Variants in CTNNBIP1 observed in about 807,000 individuals in gnomAD.
CTNNBIP1 encodes the protein beta-catenin-interacting protein 1.
In CTNNBIP1, 7 loss-of-function variants were observed where a neutral mutation model predicts 11.8. The ratio of observed to expected loss-of-function variants is 0.60; its 90% CI spans 0.34 to 1.12. The LOEUF is 1.12. Ranked by LOEUF, CTNNBIP1 falls within the 50% of genes most tolerant of loss-of-function variation. The pLI is 0.03. For synonymous variants in CTNNBIP1, 58 were observed against 43.9 expected, an observed-to-expected ratio of 1.32 and a Z score of -1.26; for missense variants, 101 against 113.4, an observed-to-expected ratio of 0.89 and a Z score of 0.50.
chr1:9,852,692 G>A (rs1009182288), intron 5 of CTNNBIP1, among the ~76,000 whole-genome samples: 5 of 152,228 alleles, frequency 3.3e-5, no homozygotes, highest in African/African-American at 7.2e-5. Context: ...CTAATCAGAA[G>A]GGGGCTGGCA....
At chr1:9,880,872 C>A (rs1174467488) in intron 2 of CTNNBIP1, among the ~76,000 whole-genome samples, 1 of 152,130 alleles carries the variant, frequency 6.6e-6, no homozygotes, top group Non-Finnish European at 1.5e-5. Context: ...CTTCATTTCA[C>A]CACCTGTAGA....
chr1:9,870,355 C>A (rs901012916), intron 5 of CTNNBIP1, among the ~76,000 whole-genome samples: 2 of 152,182 alleles, frequency 1.3e-5, no homozygotes, highest in African/African-American at 4.8e-5. Context: ...CATGAGAAGC[C>A]TTCTAGAGAA....
chr1:9,900,246 T>C (rs961456420), intron 1 of CTNNBIP1, among the ~76,000 whole-genome samples: 1 of 150,814 alleles, frequency 6.6e-6, no homozygotes, highest in Admixed American at 6.6e-5. Context: ...ATACAAAAAA[T>C]TAGCACAGCA....
At chr1:9,907,791 C>T (rs547504575) in intron 1 of CTNNBIP1, among the ~76,000 whole-genome samples, 4 of 152,334 alleles carry the variant, frequency 2.6e-5, no homozygotes, top group South Asian at 4.1e-4. Context: ...TCCACCTCTT[C>T]GTTTCCACTG....
At chr1:9,866,427 C>T (rs914507487) in intron 5 of CTNNBIP1, among the ~76,000 whole-genome samples, 3 of 152,118 alleles carry the variant, frequency 2.0e-5, no homozygotes, top group Admixed American at 6.5e-5. Flanking sequence ...GGCATGGTGG[C>T]TCCCGCCTGT....
intron 1 of CTNNBIP1, among the ~76,000 whole-genome samples, chr1:9,902,891 G>A (rs1164685657): frequency 1.3e-5 from 2 of 151,842 alleles, no homozygotes; most frequent in African/African-American, 2.4e-5. Context: ...TCAGCCTCCC[G>A]AGTAGCTGGG....
chr1:9,881,329 ATTTTTT>A (rs60318288), intron 2 of CTNNBIP1, among the ~76,000 whole-genome samples: 63 of 49,514 alleles, frequency 1.3e-3, no homozygotes, highest in African/African-American at 4.0e-3. Flanking sequence ...CAGCCTTGAA[ATTTTTT>A]TTTTTTTTTT....
intron 1 of CTNNBIP1, among the ~76,000 whole-genome samples, chr1:9,907,494 T>C (rs1380272302): frequency 6.6e-6 from 1 of 152,058 alleles, no homozygotes; most frequent in Non-Finnish European, 1.5e-5. Context: ...ATAGCTCAAG[T>C]TTGTGGCCAC....
At chr1:9,901,630 T>G (rs1639524021) in intron 1 of CTNNBIP1, among the ~76,000 whole-genome samples, 1 of 152,240 alleles carries the variant, frequency 6.6e-6, no homozygotes, top group South Asian at 2.1e-4. Context: ...TCTCAAAGCC[T>G]CCTCCCCAGC....
At chr1:9,875,633 G>A (rs1316065075) in intron 3 of CTNNBIP1, among the ~76,000 whole-genome samples, 2 of 152,242 alleles carry the variant, frequency 1.3e-5, no homozygotes, top group Admixed American at 6.5e-5. Flanking sequence ...GCAAGAGACA[G>A]TTCTTCTCGC....
At chr1:9,869,497 GT>G (rs1374495061) in intron 5 of CTNNBIP1, among the ~76,000 whole-genome samples, 2 of 152,098 alleles carry the variant, frequency 1.3e-5, no homozygotes, top group Non-Finnish European at 2.9e-5. Flanking sequence ...GCTAACTTTT[GT>G]ATTTTTAGTA....
chr1:9,876,024 T>A (rs908132792), intron 3 of CTNNBIP1, among the ~76,000 whole-genome samples: 4 of 152,248 alleles, frequency 2.6e-5, no homozygotes, highest in African/African-American at 9.6e-5. Flanking sequence ...ATCACAATTC[T>A]GACAAGCATC....
In CTNNBIP1 at chr1:9,871,911, C is replaced by A; in HGVS notation, c.96+58G>T. On this transcript the variant is annotated intron_variant, in intron 4 of 5. Transcript: ENST00000377263. The surrounding 1 kb of genome is among the most constrained non-coding windows in gnomAD (Gnocchi z 5.2). ...TCCACCCTCCAATAGCCCAGCAGGG[C>A]CCCTCCCTGGGAGACCCTCCCTGGG... 6.8e-7 allele frequency: 1 copy of A among 1,461,120 alleles called. No individual in the cohort carries two copies. Among genetic ancestry groups the A allele is most frequent in the South Asian group, 1.1e-5 (1 of 87,836 alleles). 90.5% of individuals were successfully genotyped at this position (1,461,120 alleles called of 1,614,324 possible).
At chr1:9,875,576 C>G (rs542198769) in intron 3 of CTNNBIP1, among the ~76,000 whole-genome samples, 1 of 152,232 alleles carries the variant, frequency 6.6e-6, no homozygotes, top group African/African-American at 2.4e-5. Context: ...GTGTCGTCTG[C>G]GCCTGCATTT....
intron 5 of CTNNBIP1, among the ~76,000 whole-genome samples, chr1:9,866,917 A>T (rs1424422700): frequency 1.3e-5 from 2 of 151,966 alleles, no homozygotes; most frequent in African/African-American, 4.8e-5. Context: ...GGACTCAGTA[A>T]CCCATTAGGT....
intron 1 of CTNNBIP1, among the ~76,000 whole-genome samples, chr1:9,884,726 G>A (rs1247998950): frequency 1.3e-5 from 2 of 152,190 alleles, no homozygotes; most frequent in Admixed American, 6.5e-5. Flanking sequence ...GAGTGATGGG[G>A]AAATCCTTAG....
chr1:9,870,690 C>T (rs900232562), intron 5 of CTNNBIP1, among the ~76,000 whole-genome samples: 16 of 152,194 alleles, frequency 1.1e-4, no homozygotes, highest in Non-Finnish European at 2.1e-4. Context: ...CTCCCTCAGG[C>T]GCACGGAGAC....
chr1:9,871,577 T>C lies in CTNNBIP1; in HGVS notation c.97-300A>G, dbSNP rs1638862016. ...CCCGGAAGGCTGAGGGGCGATTCCATGTCCCTCCACTCTTTTTGAGAAATA... is the reference window on the plus strand; with the variant it reads ...CCCGGAAGGCTGAGGGGCGATTCCACGTCCCTCCACTCTTTTTGAGAAATA... On this transcript the variant is annotated intron_variant, in intron 4 of 5. Coordinates refer to ENST00000377263, the MANE Select transcript of CTNNBIP1 (RefSeq NM_020248.3). The surrounding 1 kb of genome is among the most constrained non-coding windows in gnomAD (Gnocchi z 5.2). Among the ~76,000 whole-genome samples the C allele has an allele frequency of 6.6e-6, 1 of 152,142 alleles. No individual in the cohort carries two copies. Among genetic ancestry groups the C allele is most frequent in the African/African-American group, 2.4e-5 (1 of 41,432 alleles).
intron 5 of CTNNBIP1, among the ~76,000 whole-genome samples, chr1:9,862,115 GTA>G (rs1468881567): frequency 6.6e-6 from 1 of 151,522 alleles, no homozygotes; most frequent in Non-Finnish European, 1.5e-5. Flanking sequence ...TTCATTCCCT[GTA>G]TTCAAATTCC....
Sources: gnomAD v4.1 joint callset for allele counts (sites outside exome capture counted in the v4.1 genomes callset) on GRCh38, gnomAD v4.1.1 for gene constraint, Gnocchi (gnomAD v3.1) non-coding constraint, MANE v1.5 for transcripts, NCBI Gene and HGNC (gene_info 2026-07-23, HGNC 2026-07-21) for gene names.